The following ST6GALNAC3 variants were observed in gnomAD, a reference collection of about 807,000 sequenced individuals.
The protein encoded by ST6GALNAC3 is alpha-N-acetylgalactosaminide alpha-2,6-sialyltransferase 3.
In ST6GALNAC3, 25 loss-of-function variants were observed where a neutral mutation model predicts 32.7. That is an observed-to-expected ratio of 0.76 (90% CI 0.56 to 1.07). ST6GALNAC3 has a LOEUF of 1.07. ST6GALNAC3 is among the 50% of genes least tolerant of loss of function. The pLI, the probability that ST6GALNAC3 is intolerant of heterozygous loss-of-function variation, is 0.00. For missense variants in ST6GALNAC3, 355 were observed against 382.4 expected (o/e 0.93, Z 0.60); for synonymous variants, 129 against 133.1 (o/e 0.97, Z 0.21).
At chr1:76,118,146 G>A (rs1036597372) in intron 1 of ST6GALNAC3, among the ~76,000 whole-genome samples, 2 of 151,906 alleles carry the variant, frequency 1.3e-5, no homozygotes, top group East Asian at 1.9e-4. Flanking sequence ...CCTTGCCCCC[G>A]ACTCCCTGAC....
intron 1 of ST6GALNAC3, among the ~76,000 whole-genome samples, chr1:76,283,204 G>T (rs1411306447): frequency 6.6e-6 from 1 of 151,950 alleles, no homozygotes. Context: ...TTGTTTGTTT[G>T]TTTCTATATT....
At chr1:76,494,910 C>G (rs1385669778) in intron 3 of ST6GALNAC3, among the ~76,000 whole-genome samples, 6 of 152,062 alleles carry the variant, frequency 3.9e-5, no homozygotes, top group Admixed American at 3.9e-4. Flanking sequence ...AGGCTTGAGA[C>G]TCTGAAAAAG....
chr1:76,532,839 A>G (rs957999362), intron 3 of ST6GALNAC3, among the ~76,000 whole-genome samples: 1 of 149,914 alleles, frequency 6.7e-6, no homozygotes, highest in Non-Finnish European at 1.5e-5. Context: ...CAAAAGCTCT[A>G]TGTTCTACCA....
intron 1 of ST6GALNAC3, among the ~76,000 whole-genome samples, chr1:76,123,245 G>A (rs1015108724): frequency 1.3e-5 from 2 of 152,120 alleles, no homozygotes; most frequent in Admixed American, 6.5e-5. Flanking sequence ...GGTGGCAGAC[G>A]CCTGTAATCC....
chr1:76,474,736 T>A (rs879335028), intron 3 of ST6GALNAC3, among the ~76,000 whole-genome samples: 11 of 151,636 alleles, frequency 7.3e-5, no homozygotes, highest in Non-Finnish European at 1.2e-4. Flanking sequence ...CTATATTGAG[T>A]AGGAAAGGTA....
chr1:76,351,057 C>G (rs1045776431), intron 2 of ST6GALNAC3, among the ~76,000 whole-genome samples: 7 of 152,140 alleles, frequency 4.6e-5, no homozygotes, highest in Admixed American at 3.3e-4. Flanking sequence ...ATCTTACATA[C>G]TAATCAGCTT....
intron 1 of ST6GALNAC3, among the ~76,000 whole-genome samples, chr1:76,262,626 A>G (rs930902445): frequency 3.3e-5 from 5 of 152,214 alleles, no homozygotes; most frequent in Admixed American, 2.0e-4. Flanking sequence ...AAAGCAGCTA[A>G]GAAGCTATTG....
At chr1:76,128,273 A>G (rs1473370931) in intron 1 of ST6GALNAC3, among the ~76,000 whole-genome samples, 1 of 152,200 alleles carries the variant, frequency 6.6e-6, no homozygotes, top group Non-Finnish European at 1.5e-5. Flanking sequence ...TGGTTAGCAG[A>G]ACTCTCCAGA....
At chr1:76,451,159 T>C (rs920144627) in intron 3 of ST6GALNAC3, among the ~76,000 whole-genome samples, 2 of 152,176 alleles carry the variant, frequency 1.3e-5, no homozygotes, top group African/African-American at 2.4e-5. Flanking sequence ...ATTTTCACAA[T>C]ATTGATTCTA....
chr1:76,456,899 G>C (rs1485397080), intron 3 of ST6GALNAC3, among the ~76,000 whole-genome samples: 2 of 152,202 alleles, frequency 1.3e-5, no homozygotes, highest in Non-Finnish European at 2.9e-5. Context: ...ATTAGGAAAA[G>C]AGGAAGTCAA....
At position 76,389,645 on chromosome 1, in the gene ST6GALNAC3, C is replaced by T. The variant is rs183626088; in HGVS notation, c.214-22363C>T. Among the ~76,000 whole-genome samples the T allele has an allele frequency of 1.6e-4, 25 of 152,234 alleles. No individual in the cohort carries two copies. In the East Asian group the frequency reaches 4.1e-3, roughly 25 times the overall value. On this transcript the variant is annotated intron_variant, in intron 2 of 4. Transcript: ENST00000328299. ...ATGTTTTTAATTGATAACTGTGTTT[C>T]GACATACTTCATTACGTTTGACCTT... is the stretch of plus-strand genomic sequence containing the variant.
At chr1:76,286,253 T>C (rs1222518840) in intron 1 of ST6GALNAC3, among the ~76,000 whole-genome samples, 1 of 152,212 alleles carries the variant, frequency 6.6e-6, no homozygotes, top group African/African-American at 2.4e-5. Flanking sequence ...GCTATGACTA[T>C]TGTCTAGAAG....
At chr1:76,600,476 T>TGG (rs1647206103) in intron 3 of ST6GALNAC3, among the ~76,000 whole-genome samples, 1 of 152,140 alleles carries the variant, frequency 6.6e-6, no homozygotes, top group East Asian at 1.9e-4. Context: ...AGTACTTACA[T>TGG]TGTGCTGGGG....
In ST6GALNAC3 at chr1:76,359,019, A is replaced by G. The variant is rs1358044900; in HGVS notation, c.213+45020A>G. Among the ~76,000 whole-genome samples, 5 of 152,252 alleles carry G rather than the reference A, an allele frequency of 3.3e-5. No homozygotes were observed. In the East Asian group the frequency reaches 7.7e-4, roughly 24 times the overall value. Reference sequence around the variant, plus strand: ...TCAGGTTATTAAAATACATATTGCAATTGTAATTTTACATTTATTGCTGAG... The same window carrying G: ...TCAGGTTATTAAAATACATATTGCAGTTGTAATTTTACATTTATTGCTGAG... On this transcript the variant is annotated intron_variant, in intron 2 of 4. Transcript: ENST00000328299.
At chr1:76,241,517 A>G (rs1219486583) in intron 1 of ST6GALNAC3, among the ~76,000 whole-genome samples, 1 of 152,176 alleles carries the variant, frequency 6.6e-6, no homozygotes, top group African/African-American at 2.4e-5. Context: ...GAATTAATCC[A>G]TTCATGAGGG....
intron 1 of ST6GALNAC3, among the ~76,000 whole-genome samples, chr1:76,278,223 C>CT (rs568694243): frequency 0.14 from 15,745 of 113,710 alleles, 1,598 homozygotes; most frequent in African/African-American, 0.17. Context: ...GCTAGGCATT[C>CT]TTTTTTTTTT....
intron 3 of ST6GALNAC3, among the ~76,000 whole-genome samples, chr1:76,577,569 G>A (rs1646830755): frequency 6.6e-6 from 1 of 151,916 alleles, no homozygotes; most frequent in Admixed American, 6.6e-5. Flanking sequence ...GTTGCTTAAA[G>A]TTCATTACAG....
chr1:76,260,121 C>G (rs1164739521), intron 1 of ST6GALNAC3, among the ~76,000 whole-genome samples: 2 of 152,030 alleles, frequency 1.3e-5, no homozygotes, highest in Non-Finnish European at 2.9e-5. Flanking sequence ...CTATGGCAAG[C>G]AGGAAGCCTT....
intron 3 of ST6GALNAC3, among the ~76,000 whole-genome samples, chr1:76,490,259 C>A (rs910342855): frequency 1.6e-4 from 24 of 151,978 alleles, no homozygotes; most frequent in Non-Finnish European, 3.1e-4. Context: ...CCTCTCCTGA[C>A]TCTCCTGCTC....
Sources: allele counts gnomAD v4.1 joint callset (sites outside exome capture counted in the v4.1 genomes callset), GRCh38; gene constraint gnomAD v4.1.1; transcripts MANE v1.5; gene names NCBI Gene and HGNC (gene_info 2026-07-23, HGNC 2026-07-21).